The following ZNF804B variants were observed in gnomAD, a reference collection of about 807,000 sequenced individuals.
The protein encoded by ZNF804B is zinc finger protein 804B.
ZNF804B carries 80 observed loss-of-function variants against 101.4 expected under a neutral mutation model. The observed-to-expected ratio is 0.79, with a 90% CI of 0.66 to 0.95. The LOEUF (loss-of-function observed/expected upper bound fraction) is 0.95, where lower values mean the gene tolerates loss of function less well. ZNF804B is among the 40% of genes least tolerant of loss of function. The pLI, the probability that ZNF804B is intolerant of heterozygous loss-of-function variation, is 0.00. For missense variants in ZNF804B, 1,673 were observed against 1,561.9 expected, an observed-to-expected ratio of 1.07 and a Z score of -1.20; for synonymous variants, 622 against 558.8, an observed-to-expected ratio of 1.11 and a Z score of -1.59.
intron 2 of ZNF804B, among the ~76,000 whole-genome samples, chr7:89,279,382 C>A (rs993330897): frequency 6.6e-6 from 1 of 150,576 alleles, no homozygotes; most frequent in African/African-American, 2.5e-5. Context: ...GAATTTCCAA[C>A]ACTATGTTGA....
chr7:88,837,367 T>C (rs1319787436), intron 1 of ZNF804B, among the ~76,000 whole-genome samples: 1 of 151,910 alleles, frequency 6.6e-6, no homozygotes, highest in Non-Finnish European at 1.5e-5. Context: ...CCACTGTGAG[T>C]TGAGAGCTTC....
Position 88,985,625 on chromosome 7 carries a change from A to G in ZNF804B, c.108+225541A>G, listed in dbSNP as rs1313274294. On this transcript the variant is annotated intron_variant, in intron 1 of 3. Transcript: ENST00000333190. ...TTATCTTTGGCTTAGTAAAACTGCC[A>G]TTATAGAAAGAGGAAAAAGCCACAA... Among the ~76,000 whole-genome samples the G allele has an allele frequency of 2.0e-5, 3 of 152,236 alleles. No individual in the cohort carries two copies. The East Asian group carries it at 5.8e-4, about 30-fold the overall frequency.
chr7:89,328,097 A>G (rs1022916478), intron 3 of ZNF804B, among the ~76,000 whole-genome samples: 1 of 152,020 alleles, frequency 6.6e-6, no homozygotes, highest in Non-Finnish European at 1.5e-5. Context: ...TTGTGTTCAT[A>G]TGAATCATAA....
intron 2 of ZNF804B, among the ~76,000 whole-genome samples, chr7:89,271,155 G>T (rs1441456212): frequency 1.3e-5 from 2 of 152,166 alleles, no homozygotes; most frequent in Non-Finnish European, 2.9e-5. Flanking sequence ...AGTTTTCAAA[G>T]GGAATGCTTC....
intron 1 of ZNF804B, among the ~76,000 whole-genome samples, chr7:88,918,402 C>T (rs1010827680): frequency 6.6e-6 from 1 of 152,080 alleles, no homozygotes; most frequent in African/African-American, 2.4e-5. Context: ...GCATTGCCGG[C>T]TGGTTCAAGG....
At chr7:88,999,072 T>C (rs1269993765) in intron 1 of ZNF804B, among the ~76,000 whole-genome samples, 2 of 152,056 alleles carry the variant, frequency 1.3e-5, no homozygotes, top group Non-Finnish European at 2.9e-5. Flanking sequence ...TTCAACCTAC[T>C]GCAGAAGAAC....
chr7:89,288,953 G>A (rs894414046), intron 2 of ZNF804B, among the ~76,000 whole-genome samples: 5 of 152,086 alleles, frequency 3.3e-5, no homozygotes, highest in Non-Finnish European at 5.9e-5. Context: ...TTATGGAAAA[G>A]CAAAATATTA....
At chr7:88,800,692 T>TGTGTGTG (rs1790564657) in intron 1 of ZNF804B, among the ~76,000 whole-genome samples, 1 of 146,600 alleles carries the variant, frequency 6.8e-6, no homozygotes, top group South Asian at 2.2e-4. Context: ...TAGATATGAT[T>TGTGTGTG]TGTGTGTGTG....
chr7:89,043,218 A>G (rs1789046095), intron 1 of ZNF804B, among the ~76,000 whole-genome samples: 1 of 152,200 alleles, frequency 6.6e-6, no homozygotes, highest in African/African-American at 2.4e-5. Context: ...TACTAATAGG[A>G]TAAACAAGGA....
chr7:88,853,078 G>C (rs1791469745), intron 1 of ZNF804B, among the ~76,000 whole-genome samples: 5 of 152,082 alleles, frequency 3.3e-5, no homozygotes, highest in Admixed American at 3.3e-4. Flanking sequence ...GGAATGAAAG[G>C]CAACATTAGA....
At chr7:89,284,528 G>A (rs765783699) in intron 2 of ZNF804B, among the ~76,000 whole-genome samples, 4 of 152,086 alleles carry the variant, frequency 2.6e-5, no homozygotes, top group Non-Finnish European at 4.4e-5. Context: ...CATAAGGACC[G>A]CTGTAAAAAA....
chr7:89,186,605 G>A (rs1788378474), intron 1 of ZNF804B, among the ~76,000 whole-genome samples: 1 of 126,328 alleles, frequency 7.9e-6, no homozygotes, highest in African/African-American at 3.1e-5. Context: ...TTGCTTTTAA[G>A]TGTTACTTTT....
chr7:88,796,741 A>G (rs1386886717), intron 1 of ZNF804B, among the ~76,000 whole-genome samples: 1 of 152,120 alleles, frequency 6.6e-6, no homozygotes, highest in African/African-American at 2.4e-5. Context: ...TTAGCTCAGC[A>G]CCATCTATAT....
Position 89,334,024 on chromosome 7 carries a change from A to T in ZNF804B, c.1042A>T (p.Thr348Ser). ...PTSREKETRNTLKNTLENCVN... is the reference protein window; with the variant it reads ...PTSREKETRNSLKNTLENCVN... ...CAGCAGAGAAAAAGAAACTAGAAAT[A>T]CATTGAAGAACACTTTAGAAAATTG... is the stretch of plus-strand genomic sequence containing the variant. The change falls in exon 4 of 4, where the codon ACA (threonine) becomes TCA (serine). Residue 348 changes from threonine to serine, a missense_variant. Physicochemically the swap from Thr to Ser is moderately conservative, Grantham distance 58. Coordinates refer to ENST00000333190, the MANE Select transcript of ZNF804B (RefSeq NM_181646.5). The T allele has an allele frequency of 6.2e-7, 1 of 1,613,452 alleles. No homozygotes were observed. The highest frequency in any genetic ancestry group is 8.5e-7 in the Non-Finnish European group (1 of 1,179,740).
chr7:89,132,850 T>A (rs1451297366), intron 1 of ZNF804B, among the ~76,000 whole-genome samples: 1 of 152,022 alleles, frequency 6.6e-6, no homozygotes, highest in Non-Finnish European at 1.5e-5. Flanking sequence ...TACATTTTCT[T>A]CCTTATTCCC....
rs747171630 is a variant in ZNF804B, at chr7:89,334,568, A to G, written c.1586A>G (p.Glu529Gly). The G allele has an allele frequency of 5.0e-6, 8 of 1,613,718 alleles. No homozygotes were observed. In the South Asian group the frequency reaches 8.8e-5, roughly 18 times the overall value. The change falls in exon 4 of 4, where the codon GAA becomes GGA. Residue 529 changes from glutamate (E) to glycine (G), a missense_variant. Physicochemically the swap from Glu to Gly is moderately conservative, Grantham distance 98. Transcript: ENST00000333190. ...LTEDQQKLIQ[E>G]DYQYPKPKTM... is the part of the protein sequence containing the mutation. Reference sequence around the variant, plus strand: ...GAAGACCAACAAAAATTGATCCAAGAAGATTATCAATATCCGAAACCAAAG... The same window carrying G: ...GAAGACCAACAAAAATTGATCCAAGGAGATTATCAATATCCGAAACCAAAG...
At chr7:89,102,612 A>C (rs1473564066) in intron 1 of ZNF804B, among the ~76,000 whole-genome samples, 1 of 152,004 alleles carries the variant, frequency 6.6e-6, no homozygotes, top group Non-Finnish European at 1.5e-5. Context: ...ATTTGTAAAC[A>C]GGTTCTCCCA....
rs1368723240 is a variant in ZNF804B at position 89,274,323 on chromosome 7, A to G, written c.250-53021A>G. ...TATCCCTCCCCCCTCCCCCCACCCC[A>G]CCACAGTCCCCAGAGTGTGATATTC... On this transcript the variant is annotated intron_variant, in intron 2 of 3. Transcript: ENST00000333190. 1.5e-4 allele frequency among the ~76,000 whole-genome samples: 8 copies of G among 55,042 alleles called. No homozygotes were observed. The Admixed American group carries it at 2.1e-3, about 14-fold the overall frequency. The allele number at this position is 55,042 out of a possible 152,430, so 36.1% of individuals were successfully genotyped here.
At chr7:88,908,230 A>AT (rs995788483) in intron 1 of ZNF804B, among the ~76,000 whole-genome samples, 27 of 151,708 alleles carry the variant, frequency 1.8e-4, no homozygotes, top group African/African-American at 6.3e-4. Flanking sequence ...TTTTTAAATA[A>AT]TTTTTTTATT....
Sources: gnomAD v4.1 joint callset for allele counts (sites outside exome capture counted in the v4.1 genomes callset) on GRCh38, gnomAD v4.1.1 for gene constraint, MANE v1.5 for transcripts, NCBI Gene and HGNC (gene_info 2026-07-23, HGNC 2026-07-21) for gene names.